Variants in OSBPL10 observed in about 807,000 individuals in gnomAD.
OSBPL10 encodes the protein oxysterol binding protein like 10, also known as oxysterol-binding protein-related protein 10.
In OSBPL10, 49 loss-of-function variants were observed where a neutral mutation model predicts 81.7. That is an observed-to-expected ratio of 0.60 (90% CI 0.48 to 0.76). OSBPL10 has a LOEUF of 0.76. OSBPL10 is among the 30% of genes least tolerant of loss of function. The pLI is 0.00. For missense variants in OSBPL10, 923 were observed against 987.8 expected, an observed-to-expected ratio of 0.93 and a Z score of 0.88; for synonymous variants, 419 against 383.6, an observed-to-expected ratio of 1.09 and a Z score of -1.08.
At chr3:31,933,271 A>C (rs922789226) in intron 1 of OSBPL10, among the ~76,000 whole-genome samples, 1 of 152,208 alleles carries the variant, frequency 6.6e-6, no homozygotes, top group African/African-American at 2.4e-5. Flanking sequence ...GCCTTCGGTA[A>C]GTTCTCGATC....
chr3:32,047,685 C>T lies in OSBPL10; in HGVS notation n.186-1082G>A, dbSNP rs183091065. Among the ~76,000 whole-genome samples, 360 of 150,170 alleles carry T rather than the reference C, an allele frequency of 2.4e-3. 4 individuals carry two copies. The highest frequency in any genetic ancestry group is 7.6e-3 in the African/African-American group (312 of 40,814). On this transcript the variant is annotated intron_variant and non_coding_transcript_variant, in intron 1 of 3. Coordinates refer to the OSBPL10 transcript ENST00000479173. Reference sequence around the variant, plus strand: ...TTGTTTTTTGTTTTTTTTTTTGAGACGGAGTCTTGCTCTGTCGCCCAGGCT... The same window carrying T: ...TTGTTTTTTGTTTTTTTTTTTGAGATGGAGTCTTGCTCTGTCGCCCAGGCT...
At chr3:31,777,454 T>C (rs1322498303) in intron 4 of OSBPL10, among the ~76,000 whole-genome samples, 4 of 152,178 alleles carry the variant, frequency 2.6e-5, no homozygotes, top group African/African-American at 9.7e-5. Flanking sequence ...AATGTCCCTT[T>C]CTCTGCAAGA....
At chr3:31,733,228 T>C (rs1341166531) in intron 6 of OSBPL10, 29 bp downstream of exon 6, 2 of 1,606,250 alleles carry the variant, frequency 1.2e-6, no homozygotes, top group African/African-American at 2.7e-5. Flanking sequence ...ACACAAGCCA[T>C]GAATGCACTG....
intron 1 of OSBPL10, among the ~76,000 whole-genome samples, chr3:32,071,818 T>G (rs954513162): frequency 1.3e-5 from 2 of 152,084 alleles, no homozygotes; most frequent in Non-Finnish European, 2.9e-5. Flanking sequence ...GCCTCCCACA[T>G]TGTTCCTGAT....
At chr3:31,985,919 T>G (rs1244949494), upstream of OSBPL10, among the ~76,000 whole-genome samples, 1 of 152,192 alleles carries the variant, frequency 6.6e-6, no homozygotes. Context: ...GAAACTGAAT[T>G]GAAGAGAGGT....
chr3:31,672,577 T>C (rs1161611233), intron 8 of OSBPL10, among the ~76,000 whole-genome samples: 3 of 152,128 alleles, frequency 2.0e-5, no homozygotes, highest in Non-Finnish European at 4.4e-5. Flanking sequence ...TACTAAGATG[T>C]GTTCAACTAT....
rs150492141 is a variant in OSBPL10 at position 31,804,283 on chromosome 3, A to T, written c.729+25757T>A. Among the ~76,000 whole-genome samples the T allele has an allele frequency of 8.0e-3, 1,223 of 152,330 alleles. 17 individuals carry two copies. The highest frequency in any genetic ancestry group is 0.027 in the African/African-American group (1,111 of 41,568). On this transcript the variant is annotated intron_variant, in intron 4 of 11. Transcript: ENST00000396556. ...AGGGTTGAAATCCAATACTATCAAC[A>T]TCACAGATTTTTAATCCTGATAATA...
intron 2 of OSBPL10, chr3:31,990,277 T>C: frequency 1.2e-6 from 2 of 1,614,090 alleles, no homozygotes; most frequent in African/African-American, 1.3e-5. Flanking sequence ...ACTTTATAAA[T>C]GTAATGATTG....
rs113229501 is a variant in OSBPL10, at chr3:32,018,787, A to G, written n.298+27704T>C. The stretch of plus-strand genomic sequence containing the variant: ...GTCTGGCCAACTGTGTCCATTAAAC[A>G]CACCAAAAGAAAAAAAGGTAGTGTT... On this transcript the variant is annotated intron_variant and non_coding_transcript_variant, in intron 2 of 3. Coordinates refer to the OSBPL10 transcript ENST00000479173. Among the ~76,000 whole-genome samples the G allele has an allele frequency of 3.2e-3, 489 of 152,328 alleles. 2 individuals are homozygous for G. The highest frequency in any genetic ancestry group is 0.011 in the African/African-American group (474 of 41,558).
intron 6 of OSBPL10, chr3:31,708,982 G>A (rs376663659): frequency 2.0e-6 from 2 of 985,422 alleles, no homozygotes; most frequent in African/African-American, 1.7e-5. Context: ...CCTCTACATG[G>A]AGCCACTTCC....
intron 1 of OSBPL10, among the ~76,000 whole-genome samples, chr3:31,884,435 T>A (rs1320106045): frequency 1.3e-5 from 2 of 152,182 alleles, no homozygotes; most frequent in African/African-American, 4.8e-5. Context: ...TAGAAAAAAA[T>A]TGCAACAGAC....
intron 1 of OSBPL10, among the ~76,000 whole-genome samples, chr3:31,908,024 ACT>A (rs747941537): frequency 7.9e-5 from 12 of 152,088 alleles, no homozygotes; most frequent in Non-Finnish European, 1.6e-4. Context: ...CTGTAAGGTG[ACT>A]CTGAGCAAAG....
At position 31,763,210 on chromosome 3, in the gene OSBPL10, G is replaced by A. The variant is rs144599419; in HGVS notation, c.730-15090C>T. On this transcript the variant is annotated intron_variant, in intron 4 of 11. Coordinates refer to ENST00000396556, the MANE Select transcript of OSBPL10 (RefSeq NM_017784.5). ...TACATTTCTGTCAGTTCTCTAATCA[G>A]AAATCATTTAACACACATCATATAA... is the stretch of plus-strand genomic sequence containing the variant. 4.2e-4 allele frequency among the ~76,000 whole-genome samples: 64 copies of A among 152,242 alleles called. No individual in the cohort carries two copies. The East Asian group carries it at 0.011, about 27-fold the overall frequency.
rs755489489 is a variant in OSBPL10, at chr3:32,054,526, C to CTTTTTTTTTTTT, written n.186-7935_186-7924dup. The stretch of plus-strand genomic sequence containing the variant: ...ACCAACATTTCCTGGTCAATGGTGG[C>CTTTTTTTTTTTT]TTTTTTTTTTTTTTTTTTTTTTTGA... On this transcript the variant is annotated intron_variant and non_coding_transcript_variant, in intron 1 of 3. Transcript: ENST00000479173. Among the ~76,000 whole-genome samples, 5 of 86,604 alleles carry CTTTTTTTTTTTT rather than the reference C, an allele frequency of 5.8e-5. 1 individual carries two copies. The highest frequency in any genetic ancestry group is 8.0e-5 in the Non-Finnish European group (4 of 49,724). The allele number at this position is 86,604 out of a possible 152,430, so 56.8% of individuals were successfully genotyped here.
intron 1 of OSBPL10, among the ~76,000 whole-genome samples, chr3:31,972,368 G>C (rs760485706): frequency 1.3e-5 from 2 of 152,152 alleles, no homozygotes; most frequent in Non-Finnish European, 2.9e-5. Context: ...CAGCCTGGGT[G>C]ACACAGCGAG....
intron 6 of OSBPL10, 51 bp downstream of exon 6, chr3:31,733,206 G>A (rs748703241): frequency 1.9e-6 from 3 of 1,583,042 alleles, no homozygotes; most frequent in Non-Finnish European, 2.6e-6. Context: ...CTATATTTCT[G>A]AACAAGCGAT....
chr3:31,799,285 T>TCA (rs1186696725), intron 4 of OSBPL10, among the ~76,000 whole-genome samples: 1 of 146,080 alleles, frequency 6.8e-6, no homozygotes, highest in Non-Finnish European at 1.5e-5. Context: ...TACAGGCTTG[T>TCA]CACCCCAGCT....
chr3:31,747,904 T>C lies in OSBPL10; in HGVS notation c.940+6A>G, dbSNP rs1697576250. The C allele has an allele frequency of 2.5e-6, 4 of 1,612,310 alleles. No homozygotes were observed. Among genetic ancestry groups the C allele is most frequent in the Non-Finnish European group, 2.5e-6 (3 of 1,179,840 alleles). ...CCAAACATGGACAAGCCCCCGGGGG[T>C]CTTACCCGAGGCTCCTGGCTTCTGG... On this transcript the variant is annotated splice_donor_region_variant and intron_variant, in intron 5 of 11. Coordinates refer to ENST00000396556, the MANE Select transcript of OSBPL10 (RefSeq NM_017784.5).
intron 1 of OSBPL10, among the ~76,000 whole-genome samples, chr3:31,885,731 C>T (rs1019762070): frequency 2.6e-5 from 4 of 151,586 alleles, no homozygotes; most frequent in Middle Eastern, 3.4e-3. Flanking sequence ...GCCTATAATC[C>T]CAGCACTTTG....
Sources: gnomAD v4.1 joint callset for allele counts (sites outside exome capture counted in the v4.1 genomes callset) on GRCh38, gnomAD v4.1.1 for gene constraint, MANE v1.5 for transcripts, NCBI Gene and HGNC (gene_info 2026-07-23, HGNC 2026-07-21) for gene names.